The following RETREG1 variants were observed in gnomAD, a reference collection of about 807,000 sequenced individuals.
The protein encoded by RETREG1 is family with sequence similarity 134 member B.
Under a neutral mutation model 54.8 loss-of-function variants are expected in RETREG1, and 44 were observed. That is an observed-to-expected ratio of 0.80 (90% CI 0.63 to 1.03). The LOEUF is 1.03. Ranked by LOEUF, RETREG1 falls within the 50% of genes least tolerant of loss-of-function variation. The pLI is 0.00. For synonymous variants in RETREG1, 217 were observed against 238.5 expected (o/e 0.91, Z 0.83); for missense variants, 554 against 605.1 (o/e 0.92, Z 0.89).
intron 3 of RETREG1, among the ~76,000 whole-genome samples, chr5:16,536,172 A>G (rs1191905255): frequency 6.6e-6 from 1 of 152,338 alleles, no homozygotes; most frequent in East Asian, 1.9e-4. Context: ...CCAAGAAGGA[A>G]GAGATAAACT....
chr5:16,503,991 T>C (rs922600823), intron 3 of RETREG1, among the ~76,000 whole-genome samples: 3 of 152,202 alleles, frequency 2.0e-5, no homozygotes, highest in Non-Finnish European at 4.4e-5. Context: ...GCTACACCTA[T>C]CAACCCATCA....
At chr5:16,503,593 G>A (rs139331810) in intron 3 of RETREG1, among the ~76,000 whole-genome samples, 5 of 150,812 alleles carry the variant, frequency 3.3e-5, no homozygotes, top group African/African-American at 7.3e-5. Context: ...GCTTGAACCC[G>A]GGAGGCAGAG....
At chr5:16,527,866 G>A (rs1024152684) in intron 3 of RETREG1, among the ~76,000 whole-genome samples, 12 of 127,820 alleles carry the variant, frequency 9.4e-5, no homozygotes, top group Non-Finnish European at 1.9e-4. Context: ...TTGGACTGCA[G>A]TGGCACGATC....
At chr5:16,530,129 G>C (rs898562137) in intron 3 of RETREG1, among the ~76,000 whole-genome samples, 1 of 152,030 alleles carries the variant, frequency 6.6e-6, no homozygotes, top group African/African-American at 2.4e-5. Flanking sequence ...GTCCACTTTC[G>C]GGGAACCTAA....
intron 3 of RETREG1, among the ~76,000 whole-genome samples, chr5:16,515,039 A>G (rs926681122): frequency 6.6e-6 from 1 of 150,960 alleles, no homozygotes; most frequent in Non-Finnish European, 1.5e-5. Context: ...CATTTTTGCA[A>G]TTGTGACTTA....
chr5:16,480,184 A>T (rs1171501431), intron 5 of RETREG1, among the ~76,000 whole-genome samples: 1 of 151,854 alleles, frequency 6.6e-6, no homozygotes, highest in Non-Finnish European at 1.5e-5. Context: ...GCAACCACTG[A>T]CCTGCTTTGT....
At chr5:16,544,105 A>T (rs1480352743) in intron 3 of RETREG1, among the ~76,000 whole-genome samples, 1 of 150,272 alleles carries the variant, frequency 6.7e-6, no homozygotes, top group Non-Finnish European at 1.5e-5. Flanking sequence ...CCTCCTAAGT[A>T]GCTGGGATTA....
At chr5:16,490,365 T>G (rs1044344327) in intron 3 of RETREG1, among the ~76,000 whole-genome samples, 1 of 152,026 alleles carries the variant, frequency 6.6e-6, no homozygotes, top group Non-Finnish European at 1.5e-5. Context: ...TAAAAAAGAG[T>G]TATAAGATTA....
intron 3 of RETREG1, among the ~76,000 whole-genome samples, chr5:16,554,482 C>G (rs1027889368): frequency 6.6e-6 from 1 of 152,130 alleles, no homozygotes; most frequent in Admixed American, 6.5e-5. Flanking sequence ...GCGGGCACAC[C>G]CTCTTTTTCA....
Position 16,498,185 on chromosome 5 carries a change from A to G in RETREG1, c.459-14713T>C, listed in dbSNP as rs547306770. Reference sequence around the variant, plus strand: ...TTACCAATGGGGATATGTTCTAAGAAATGTATCATTAGGCTATTCTGTCAT... The same window carrying G: ...TTACCAATGGGGATATGTTCTAAGAGATGTATCATTAGGCTATTCTGTCAT... On this transcript the variant is annotated intron_variant, in intron 3 of 8. Transcript: ENST00000306320. 1.1e-4 allele frequency among the ~76,000 whole-genome samples: 16 copies of G among 152,280 alleles called. No homozygotes were observed. In the South Asian group the frequency reaches 3.3e-3, roughly 32 times the overall value.
chr5:16,502,254 A>T (rs1008763322), intron 3 of RETREG1, among the ~76,000 whole-genome samples: 4 of 152,126 alleles, frequency 2.6e-5, no homozygotes, highest in Non-Finnish European at 5.9e-5. Context: ...CACCATGCCC[A>T]GCCTAAGTAA....
intron 3 of RETREG1, among the ~76,000 whole-genome samples, chr5:16,552,302 C>T (rs1741567851): frequency 6.6e-6 from 1 of 152,158 alleles, no homozygotes; most frequent in Non-Finnish European, 1.5e-5. Flanking sequence ...CACACAATCA[C>T]TTGCAAATTA....
At chr5:16,549,574 T>C (rs116803350) in intron 3 of RETREG1, among the ~76,000 whole-genome samples, 1,991 of 152,306 alleles carry the variant, frequency 0.013, 16 homozygotes, top group Non-Finnish European at 0.017. Context: ...ATTTAGACAT[T>C]CTCTCAATTA....
chr5:16,502,842 C>T (rs1739771880), intron 3 of RETREG1, among the ~76,000 whole-genome samples: 1 of 152,306 alleles, frequency 6.6e-6, no homozygotes, highest in Middle Eastern at 3.4e-3. Context: ...TTCTGCAGGA[C>T]CCAGATTAGC....
At chr5:16,529,337 A>G (rs1740838626) in intron 3 of RETREG1, among the ~76,000 whole-genome samples, 1 of 152,174 alleles carries the variant, frequency 6.6e-6, no homozygotes. Context: ...TATTTCCTAG[A>G]CCTGGCGAGT....
chr5:16,582,809 T>C (rs1742527719), intron 1 of RETREG1, among the ~76,000 whole-genome samples: 1 of 151,974 alleles, frequency 6.6e-6, no homozygotes, highest in Non-Finnish European at 1.5e-5. Context: ...GCCCCGAGAG[T>C]GAGGGCACTC....
intron 3 of RETREG1, among the ~76,000 whole-genome samples, chr5:16,544,959 C>A (rs904330544): frequency 1.9e-4 from 29 of 152,174 alleles, no homozygotes; most frequent in African/African-American, 7.0e-4. Context: ...AAATGTATGC[C>A]AAGAAAACAA....
intron 4 of RETREG1, chr5:16,483,058 T>C (rs1290977322): frequency 2.8e-6 from 1 of 354,318 alleles, no homozygotes; most frequent in Non-Finnish European, 5.2e-6. Flanking sequence ...AAGACTGTTT[T>C]CTCCCTAGTC....
intron 3 of RETREG1, among the ~76,000 whole-genome samples, chr5:16,531,837 T>A (rs564681858): frequency 1.3e-5 from 2 of 152,168 alleles, no homozygotes; most frequent in African/African-American, 4.8e-5. Context: ...GTTTGGCTGC[T>A]CTTTCTCAAC....
Sources: gnomAD v4.1 joint callset for allele counts (sites outside exome capture counted in the v4.1 genomes callset) on GRCh38, gnomAD v4.1.1 for gene constraint, MANE v1.5 for transcripts, NCBI Gene and HGNC (gene_info 2026-07-23, HGNC 2026-07-21) for gene names.